The following SLC35B1 variants were observed in gnomAD, a reference collection of about 807,000 sequenced individuals.
The protein encoded by SLC35B1 is ATP/ADP exchanger ER.
Under a neutral mutation model 36.6 loss-of-function variants are expected in SLC35B1, and 27 were observed. The ratio of observed to expected loss-of-function variants is 0.74; its 90% CI spans 0.54 to 1.02. The LOEUF is 1.02. SLC35B1 is among the 50% of genes least tolerant of loss of function. SLC35B1 has a pLI of 0.00. For synonymous variants in SLC35B1, 162 were observed against 152.5 expected, an observed-to-expected ratio of 1.06 and a Z score of -0.46; for missense variants, 321 against 383.2, an observed-to-expected ratio of 0.84 and a Z score of 1.35.
At chr17:49,702,480 C>T (rs2073363201) in intron 8 of SLC35B1, 1 of 174,550 alleles carries the variant, frequency 5.7e-6, no homozygotes, top group African/African-American at 2.4e-5. Flanking sequence ...GCCTGTAATC[C>T]CAGCACTCTG....
chr17:49,707,894 C>G lies in SLC35B1; in HGVS notation c.-61G>C. ...CAACCGGCACCGGCAGCAGCGGCGG[C>G]GGAGGCGACAGCTCCAGCCGGACAT... On this transcript the variant is annotated 5_prime_UTR_variant, in exon 1 of 9. Transcript: ENST00000240333. The G allele has an allele frequency of 6.3e-7, 1 of 1,599,638 alleles. No individual in the cohort carries two copies.
upstream of SLC35B1, chr17:49,708,166 C>T: frequency 1.5e-6 from 1 of 675,650 alleles, no homozygotes; most frequent in Non-Finnish European, 2.7e-6. Flanking sequence ...ACTCTGAGGA[C>T]AACTGCGACC....
intron 6 of SLC35B1, 135 bp downstream of exon 6, chr17:49,703,965 A>G: frequency 8.5e-7 from 1 of 1,172,022 alleles, no homozygotes; most frequent in South Asian, 1.3e-5. Context: ...AGGTTTCTCA[A>G]GGGCTTGAAC....
At chr17:49,702,654 C>T (rs2073365489) in intron 8 of SLC35B1, 1 of 517,844 alleles carries the variant, frequency 1.9e-6, no homozygotes, top group Non-Finnish European at 3.4e-6. Flanking sequence ...ATTGCTTGAA[C>T]CCAGGAGGAG....
In SLC35B1 at chr17:49,706,615, A is replaced by G. The variant is rs368756285; in HGVS notation, c.209-281T>C. 5.9e-5 allele frequency among the ~76,000 whole-genome samples: 9 copies of G among 152,332 alleles called. No individual in the cohort carries two copies. In the East Asian group the frequency reaches 9.6e-4, roughly 16 times the overall value. ...CAAGGGACCAGTCAGCTCTGCTGCTAGTCCCCAGGGAACAAAGAGAGAATG... is the reference window on the plus strand; with the variant it reads ...CAAGGGACCAGTCAGCTCTGCTGCTGGTCCCCAGGGAACAAAGAGAGAATG... On this transcript the variant is annotated intron_variant, in intron 2 of 8. Transcript: ENST00000240333.
At position 49,706,985 on chromosome 17, in the gene SLC35B1, T is replaced by C. The variant is rs2073426852; in HGVS notation, c.188A>G (p.Asn63Ser). ...CTCACAGATCTTGGCAAACACAGCA[T>C]TGATCACACATTGAATGAAGACCAA... ...LTLVFIQCVI[N>S]AVFAKILIQF... Residue 63 changes from asparagine (N) to serine (S), a missense_variant, in exon 2 of 9, where the codon AAT becomes AGT. By Grantham distance (46) the Asn-to-Ser change is conservative. Coordinates refer to ENST00000240333, the MANE Select transcript of SLC35B1 (RefSeq NM_005827.4). 1.9e-6 allele frequency: 3 copies of C among 1,613,828 alleles called. No homozygotes were observed. The highest frequency in any genetic ancestry group is 2.2e-5 in the East Asian group (1 of 44,878).
At chr17:49,704,332 T>C (rs577920652) in intron 5 of SLC35B1, 106 bp from the exon 6 acceptor site, 1 of 1,396,122 alleles carries the variant, frequency 7.2e-7, no homozygotes, top group Admixed American at 2.0e-5. Context: ...CCACTGCCTT[T>C]AAAGTCCTCA....
Position 49,706,344 on chromosome 17 carries a change from G to GA in SLC35B1, c.209-11dup. On this transcript the variant is annotated splice_polypyrimidine_tract_variant and intron_variant, in intron 2 of 8. Transcript: ENST00000240333. Reference sequence around the variant, plus strand: ...TCAAAAAACTGGATCACTGGGAGAAGACAAAAAAAAAAAAAAAAAAAGAAA... The same window carrying GA: ...TCAAAAAACTGGATCACTGGGAGAAGAACAAAAAAAAAAAAAAAAAAAGAAA... 18 of 247,766 alleles carry GA rather than the reference G, an allele frequency of 7.3e-5. No homozygotes were observed. The highest frequency in any genetic ancestry group is 7.8e-5 in the Non-Finnish European group (16 of 205,446). 15.3% of individuals were successfully genotyped at this position (247,766 alleles called of 1,614,324 possible).
chr17:49,707,601 T>C, intron 1 of SLC35B1, 129 bp downstream of exon 1: 1 of 1,448,644 alleles, frequency 6.9e-7, no homozygotes, highest in Non-Finnish European at 9.3e-7. Flanking sequence ...GCTGCAAAAG[T>C]AGTAGGGTGC....
rs1304095055 is a variant in SLC35B1 at position 49,702,939 on chromosome 17, A to C, written c.835T>G (p.Phe279Val). 1 of 1,614,162 alleles carries C rather than the reference A, an allele frequency of 6.2e-7. No individual in the cohort carries two copies. ...CSIITTTRKF[F>V]TILASVILFA... is the part of the protein sequence containing the mutation. ...AGGATCACAGAGGCCAAAATTGTGA[A>C]GAACTTTCGAGTTGTAGTGATGATG... The change falls in exon 8 of 9, where the codon TTC becomes GTC. Residue 279 changes from phenylalanine (F) to valine (V), a missense_variant. Phe to Val is a conservative substitution (Grantham distance 50). Transcript: ENST00000240333.
chr17:49,705,845 A>G, intron 4 of SLC35B1, 21 bp downstream of exon 4: 2 of 1,611,232 alleles, frequency 1.2e-6, no homozygotes, highest in Non-Finnish European at 1.7e-6. Context: ...ACAGAAGAGG[A>G]AGACCATCTT....
chr17:49,701,657 C>T (rs941410630), intron 8 of SLC35B1, 147 bp from the exon 9 acceptor site: 3 of 619,584 alleles, frequency 4.8e-6, no homozygotes, highest in Admixed American at 2.7e-5. Flanking sequence ...TATGTAACTT[C>T]CTCAGAGACA....
Position 49,705,260 on chromosome 17 carries a change from A to G in SLC35B1, c.392T>C (p.Leu131Pro). 1 of 1,614,220 alleles carries G rather than the reference A, an allele frequency of 6.2e-7. No individual in the cohort carries two copies. The highest frequency in any genetic ancestry group is 1.3e-5 in the African/African-American group (1 of 75,062). ...PIPVMLLGVT[L>P]LKKKYPLAKY... ...GGCCAACGGGTACTTCTTCTTCAAG[A>G]GGGTCACCCCAAGGAGCATGACTAC... Residue 131 changes from leucine (L) to proline (P), a missense_variant, in exon 5 of 9, where the codon CTC (leucine) becomes CCC (proline). Leu to Pro is a moderately conservative substitution (Grantham distance 98). Coordinates refer to ENST00000240333, the MANE Select transcript of SLC35B1 (RefSeq NM_005827.4).
rs779785298 is a variant in SLC35B1 at position 49,706,289 on chromosome 17, C to G, written c.254G>C (p.Trp85Ser). 4 of 1,600,540 alleles carry G rather than the reference C, an allele frequency of 2.5e-6. No individual in the cohort carries two copies. The South Asian group carries it at 4.4e-5, about 18-fold the overall frequency. Reference sequence around the variant, plus strand: ...GGAGATAGAACAGGCAGCATAGAGCCAGCTCCGGGTACGATCCACCCTGGC... The same window carrying G: ...GGAGATAGAACAGGCAGCATAGAGCGAGCTCCGGGTACGATCCACCCTGGC... Reference protein sequence around the residue: ...DTARVDRTRSWLYAACSISYL... With the variant: ...DTARVDRTRSSLYAACSISYL... The change falls in exon 3 of 9, where the codon TGG becomes TCG. Residue 85 changes from tryptophan (W) to serine (S), a missense_variant. Trp to Ser is a radical substitution (Grantham distance 177). Coordinates refer to ENST00000240333, the MANE Select transcript of SLC35B1 (RefSeq NM_005827.4).
chr17:49,707,113 T>C (rs1358520905), intron 1 of SLC35B1, 45 bp from the exon 2 acceptor site: 1 of 1,490,562 alleles, frequency 6.7e-7, no homozygotes, highest in Non-Finnish European at 9.3e-7. Context: ...TTAGTGTATT[T>C]CACTCACTGT....
intron 2 of SLC35B1, 21 bp from the exon 3 acceptor site, chr17:49,706,355 AAAAAAAAAAAGAAAAGAAAAG>A: frequency 2.2e-6 from 3 of 1,374,320 alleles, no homozygotes; most frequent in Non-Finnish European, 2.9e-6. Flanking sequence ...ACAAAAAAAA[AAAAAAAAAAAGAAAAGAAAAG>A]AAAAAAAAAA....
chr17:49,707,534 C>T (rs2073434994), intron 1 of SLC35B1, 196 bp downstream of exon 1: 3 of 1,490,690 alleles, frequency 2.0e-6, no homozygotes, highest in African/African-American at 1.4e-5. Flanking sequence ...ATAACCAAGT[C>T]CGAAGAATCC....
At position 49,701,517 on chromosome 17, in the gene SLC35B1, AAAGG is replaced by A; in HGVS notation, c.917-11_917-8del. ...TTGGCATCAAGACCAAGACCTATGA[AAAGG>A]AAGAAAATGGGCTTAGCCTTATGGG... On this transcript the variant is annotated splice_polypyrimidine_tract_variant and splice_region_variant and intron_variant, in intron 8 of 8. Coordinates refer to ENST00000240333, the MANE Select transcript of SLC35B1 (RefSeq NM_005827.4). 1 of 1,613,386 alleles carries A rather than the reference AAAGG, an allele frequency of 6.2e-7. No homozygotes were observed. Among genetic ancestry groups the A allele is most frequent in the Non-Finnish European group, 8.5e-7 (1 of 1,179,438 alleles).
In SLC35B1 at chr17:49,703,010, C is replaced by T; in HGVS notation, c.764G>A (p.Ser255Asn). The T allele has an allele frequency of 6.2e-7, 1 of 1,614,062 alleles. No individual in the cohort carries two copies. The highest frequency in any genetic ancestry group is 1.3e-5 in the African/African-American group (1 of 75,032). Residue 255 changes from serine (S) to asparagine (N), a missense_variant and splice_region_variant, in exon 8 of 9, where the codon AGC becomes AAC. Transcript: ENST00000240333. ...LFGLTSALGQSFIFMTVVYFG... is the reference protein window; with the variant it reads ...LFGLTSALGQNFIFMTVVYFG... Reference sequence around the variant, plus strand: ...ATACACAACCGTCATAAAGATGAAGCTCTAGAGAAAGATAAAGGTGAGGTC... The same window carrying T: ...ATACACAACCGTCATAAAGATGAAGTTCTAGAGAAAGATAAAGGTGAGGTC...
Sources: allele counts gnomAD v4.1 joint callset (sites outside exome capture counted in the v4.1 genomes callset), GRCh38; gene constraint gnomAD v4.1.1; transcripts MANE v1.5; gene names NCBI Gene and HGNC (gene_info 2026-07-23, HGNC 2026-07-21).